IFT81: variants seen among roughly 807,000 people sequenced by gnomAD.
IFT81 encodes intraflagellar transport protein 81 homolog.
A neutral mutation model predicts 102.6 loss-of-function variants in IFT81; 72 were observed. The ratio of observed to expected loss-of-function variants is 0.70; its 90% CI spans 0.58 to 0.85. The LOEUF (loss-of-function observed/expected upper bound fraction) is 0.85, where lower values mean the gene tolerates loss of function less well. IFT81 is among the 40% of genes least tolerant of loss of function. The probability of loss-of-function intolerance (pLI) is 0.00; values close to 1 mark genes in which losing one functional copy is unlikely to be tolerated. For synonymous variants in IFT81, 237 were observed against 242.7 expected (o/e 0.98, Z 0.22); for missense variants, 723 against 787.3 (o/e 0.92, Z 0.98).
Position 110,190,981 on chromosome 12 carries a change from G to C in IFT81, c.1400G>C (p.Arg467Thr). 6.2e-7 allele frequency: 1 copy of C among 1,609,788 alleles called. No homozygotes were observed. The highest frequency in any genetic ancestry group is 8.5e-7 in the Non-Finnish European group (1 of 1,178,086). Residue 467 changes from arginine to threonine, a missense_variant, in exon 13 of 19, where the codon AGA becomes ACA. By Grantham distance (71) the Arg-to-Thr change is moderately conservative. Coordinates refer to ENST00000242591, the MANE Select transcript of IFT81 (RefSeq NM_014055.4). Reference protein sequence around the residue: ...GYSYTQEELERVSALKSEVDE... With the variant: ...GYSYTQEELETVSALKSEVDE... ...AGTTACACCCAAGAAGAGCTAGAAA[G>C]AGTATCTGCACTGAAGAGTGAAGTT...
At chr12:110,135,528 C>T (rs1009818902) in intron 7 of IFT81, 91 bp downstream of exon 7, 9 of 739,976 alleles carry the variant, frequency 1.2e-5, no homozygotes, top group South Asian at 3.7e-5. Context: ...AAATTGTAGA[C>T]GTTCACGTTC....
chr12:110,136,272 A>T (rs1894505567), intron 7 of IFT81, among the ~76,000 whole-genome samples: 1 of 152,250 alleles, frequency 6.6e-6, no homozygotes, highest in Non-Finnish European at 1.5e-5. Flanking sequence ...GTAGACTTAT[A>T]CATTAAAATA....
chr12:110,137,918 C>T (rs1019623477), intron 8 of IFT81, among the ~76,000 whole-genome samples: 7 of 152,126 alleles, frequency 4.6e-5, no homozygotes, highest in Non-Finnish European at 8.8e-5. Context: ...GTGCTAATGA[C>T]GTAGGTATCT....
intron 6 of IFT81, 103 bp downstream of exon 6, chr12:110,135,116 G>C: frequency 1.1e-6 from 1 of 897,354 alleles, no homozygotes; most frequent in Non-Finnish European, 1.8e-6. Context: ...GTGTACATCT[G>C]AGGATGGACT....
intron 10 of IFT81, among the ~76,000 whole-genome samples, chr12:110,148,607 T>C (rs1372523783): frequency 6.6e-6 from 1 of 152,042 alleles, no homozygotes; most frequent in East Asian, 1.9e-4. Context: ...CCTGAGTAGC[T>C]GGGATTACAG....
intron 10 of IFT81, among the ~76,000 whole-genome samples, chr12:110,152,579 G>T (rs923639201): frequency 6.6e-6 from 1 of 151,148 alleles, no homozygotes; most frequent in Non-Finnish European, 1.5e-5. Context: ...GTTTTTTGTT[G>T]TTGGGTTTTA....
intron 12 of IFT81, among the ~76,000 whole-genome samples, chr12:110,185,550 T>A (rs1273054853): frequency 6.6e-6 from 1 of 152,094 alleles, no homozygotes; most frequent in Non-Finnish European, 1.5e-5. Flanking sequence ...TAAAACACTT[T>A]AACTTTGTTT....
chr12:110,131,361 G>GT lies in IFT81; in HGVS notation c.430-1183dup, dbSNP rs1480734757. Among the ~76,000 whole-genome samples, 14 of 148,522 alleles carry GT rather than the reference G, an allele frequency of 9.4e-5. 1 individual carries two copies. The highest frequency in any genetic ancestry group is 3.2e-4 in the African/African-American group (13 of 40,350). The stretch of plus-strand genomic sequence containing the variant: ...TCATTCATTCAATTACTTTTTTTTT[G>GT]TTTGAGACAGAGTCTCGCTTTGTCA... On this transcript the variant is annotated intron_variant, in intron 4 of 18. Coordinates refer to ENST00000242591, the MANE Select transcript of IFT81 (RefSeq NM_014055.4).
chr12:110,154,015 G>A (rs376077613), intron 10 of IFT81, among the ~76,000 whole-genome samples: 1 of 151,258 alleles, frequency 6.6e-6, no homozygotes, highest in African/African-American at 2.4e-5. Context: ...ACAAAGTCTC[G>A]CTCTGTCACC....
chr12:110,127,790 T>G (rs1396320054), intron 2 of IFT81, among the ~76,000 whole-genome samples: 1 of 152,236 alleles, frequency 6.6e-6, no homozygotes, highest in African/African-American at 2.4e-5. Context: ...TTTATTGTAT[T>G]GCAAGTTAGT....
chr12:110,142,526 A>G (rs1195567860), intron 8 of IFT81, among the ~76,000 whole-genome samples: 3 of 152,114 alleles, frequency 2.0e-5, no homozygotes, highest in African/African-American at 7.2e-5. Flanking sequence ...ATTGGCTTGA[A>G]GCTGACAAAT....
chr12:110,184,221 G>A (rs1274258872), intron 12 of IFT81, among the ~76,000 whole-genome samples: 6 of 152,084 alleles, frequency 3.9e-5, no homozygotes, highest in African/African-American at 1.2e-4. Context: ...GTGGTGGCGG[G>A]CACCTGTAGT....
chr12:110,173,680 C>T (rs1202094327), intron 11 of IFT81, among the ~76,000 whole-genome samples: 1 of 152,196 alleles, frequency 6.6e-6, no homozygotes, highest in African/African-American at 2.4e-5. Flanking sequence ...ACCCTGTGCT[C>T]TCTGAAACAT....
rs532426336 is a variant in IFT81, at chr12:110,127,073, G to A, written c.-21-287G>A. ...GCACCGGTATGGGAGAGATGTTAAT[G>A]TAGGGAGGATTTATTATTCATTTGT... On this transcript the variant is annotated intron_variant, in intron 1 of 18. Transcript: ENST00000242591. Among the ~76,000 whole-genome samples, 3 of 152,288 alleles carry A rather than the reference G, an allele frequency of 2.0e-5. No homozygotes were observed. The East Asian group carries it at 5.8e-4, about 29-fold the overall frequency.
At chr12:110,163,281 C>T (rs906448497) in intron 11 of IFT81, among the ~76,000 whole-genome samples, 3 of 151,880 alleles carry the variant, frequency 2.0e-5, no homozygotes, top group Admixed American at 1.3e-4. Flanking sequence ...ACTCTTGTCA[C>T]CCAGGCTGGG....
chr12:110,180,838 T>A (rs1390822870), intron 12 of IFT81, among the ~76,000 whole-genome samples: 1 of 152,218 alleles, frequency 6.6e-6, no homozygotes, highest in Non-Finnish European at 1.5e-5. Context: ...TTAGTTAATA[T>A]GAGTAAAATT....
intron 11 of IFT81, among the ~76,000 whole-genome samples, chr12:110,179,646 A>G (rs1481882144): frequency 6.8e-6 from 1 of 147,556 alleles, no homozygotes; most frequent in East Asian, 2.0e-4. Flanking sequence ...GCTTGATCCC[A>G]GGAGGTTAAG....
At chr12:110,197,583 T>TATATAC (rs1250770472) in intron 14 of IFT81, among the ~76,000 whole-genome samples, 4 of 144,840 alleles carry the variant, frequency 2.8e-5, no homozygotes, top group African/African-American at 7.7e-5. Context: ...TATATATATA[T>TATATAC]ACCTCACTTA....
chr12:110,141,503 G>A (rs998178837), intron 8 of IFT81, among the ~76,000 whole-genome samples: 1 of 152,174 alleles, frequency 6.6e-6, no homozygotes, highest in Admixed American at 6.6e-5. Flanking sequence ...TTAAGGCTTT[G>A]GGCCAGATGT....
Sources: allele counts gnomAD v4.1 joint callset (sites outside exome capture counted in the v4.1 genomes callset), GRCh38; gene constraint gnomAD v4.1.1; transcripts MANE v1.5; gene names NCBI Gene and HGNC (gene_info 2026-07-23, HGNC 2026-07-21).